ITGA9: variants seen among roughly 807,000 people sequenced by gnomAD.
The protein encoded by ITGA9 is integrin alpha-9.
ITGA9 carries 56 observed loss-of-function variants against 127.8 expected under a neutral mutation model. That is an observed-to-expected ratio of 0.44 (90% CI 0.35 to 0.55). The LOEUF (loss-of-function observed/expected upper bound fraction) is 0.55, where lower values mean the gene tolerates loss of function less well. Ranked by LOEUF, ITGA9 falls within the 20% of genes least tolerant of loss-of-function variation. The probability of loss-of-function intolerance (pLI) is 0.00; values close to 1 mark genes in which losing one functional copy is unlikely to be tolerated. For synonymous variants in ITGA9, 508 were observed against 514.5 expected, an observed-to-expected ratio of 0.99 and a Z score of 0.17; for missense variants, 1,196 against 1,347.1, an observed-to-expected ratio of 0.89 and a Z score of 1.76.
chr3:37,715,298 G>A (rs974085570), intron 18 of ITGA9, among the ~76,000 whole-genome samples: 2 of 152,170 alleles, frequency 1.3e-5, no homozygotes, highest in African/African-American at 2.4e-5. Context: ...TTCCAGCAAC[G>A]CTGTGGGTTA....
At chr3:37,716,993 G>A (rs1201035250) in intron 18 of ITGA9, among the ~76,000 whole-genome samples, 1 of 152,094 alleles carries the variant, frequency 6.6e-6, no homozygotes, top group South Asian at 2.1e-4. Flanking sequence ...TCTTGGCATC[G>A]GGCTTTTCTT....
intron 15 of ITGA9, among the ~76,000 whole-genome samples, chr3:37,604,509 C>G (rs1342124756): frequency 6.6e-6 from 1 of 152,210 alleles, no homozygotes; most frequent in East Asian, 1.9e-4. Context: ...CTTGTGAGAT[C>G]AGACACATGA....
chr3:37,490,091 G>C (rs1698654693), intron 4 of ITGA9, among the ~76,000 whole-genome samples: 2 of 152,054 alleles, frequency 1.3e-5, no homozygotes, highest in Non-Finnish European at 2.9e-5. Flanking sequence ...TGGGAAGGGT[G>C]GTTACAGAAC....
At chr3:37,775,083 A>G (rs533633668) in intron 23 of ITGA9, among the ~76,000 whole-genome samples, 5 of 152,260 alleles carry the variant, frequency 3.3e-5, no homozygotes, top group Non-Finnish European at 5.9e-5. Flanking sequence ...CAGAGTAAAC[A>G]GACAACCTAC....
intron 15 of ITGA9, among the ~76,000 whole-genome samples, chr3:37,592,783 C>T (rs540281194): frequency 5.9e-5 from 9 of 152,200 alleles, no homozygotes; most frequent in South Asian, 4.2e-4. Flanking sequence ...GGAAGATGGA[C>T]GATGCTGAGA....
intron 18 of ITGA9, among the ~76,000 whole-genome samples, chr3:37,688,394 A>G (rs937421662): frequency 2.6e-5 from 4 of 152,246 alleles, no homozygotes; most frequent in African/African-American, 9.6e-5. Context: ...AATATTTACA[A>G]TAGTAAGCAA....
At chr3:37,709,759 A>T (rs1477755972) in intron 18 of ITGA9, among the ~76,000 whole-genome samples, 2 of 152,224 alleles carry the variant, frequency 1.3e-5, no homozygotes, top group Non-Finnish European at 2.9e-5. Flanking sequence ...TGAGAAGCTT[A>T]TGTGGAAGGA....
At chr3:37,562,135 G>A (rs1559537182) in intron 15 of ITGA9, among the ~76,000 whole-genome samples, 2 of 152,158 alleles carry the variant, frequency 1.3e-5, no homozygotes, top group East Asian at 1.9e-4. Flanking sequence ...CTTAGCTCTG[G>A]CCTTCTGGTT....
chr3:37,515,545 C>T (rs973861554), intron 9 of ITGA9, among the ~76,000 whole-genome samples: 1 of 152,166 alleles, frequency 6.6e-6, no homozygotes, highest in African/African-American at 2.4e-5. Context: ...CAAGACCAGC[C>T]TGGCCAACAT....
intron 3 of ITGA9, among the ~76,000 whole-genome samples, chr3:37,479,586 A>T (rs1243203563): frequency 1.3e-5 from 2 of 152,322 alleles, no homozygotes; most frequent in South Asian, 4.1e-4. Flanking sequence ...TCACTCGGTG[A>T]CGTGGGGCAT....
intron 17 of ITGA9, among the ~76,000 whole-genome samples, chr3:37,663,589 G>T (rs1260320430): frequency 1.3e-5 from 2 of 152,200 alleles, no homozygotes; most frequent in African/African-American, 4.8e-5. Flanking sequence ...CAAACCCAGA[G>T]AGCTATTTAG....
chr3:37,564,199 A>G (rs1699523363), intron 15 of ITGA9, among the ~76,000 whole-genome samples: 1 of 152,228 alleles, frequency 6.6e-6, no homozygotes. Flanking sequence ...GATATAGATT[A>G]GTTTTCTATG....
At chr3:37,697,079 G>A (rs1234561895) in intron 18 of ITGA9, among the ~76,000 whole-genome samples, 2 of 152,110 alleles carry the variant, frequency 1.3e-5, no homozygotes, top group Non-Finnish European at 2.9e-5. Context: ...GGCTGCCATG[G>A]CCTAAGACTG....
intron 25 of ITGA9, among the ~76,000 whole-genome samples, chr3:37,783,136 CT>C (rs1696997919): frequency 6.7e-6 from 1 of 149,860 alleles, no homozygotes; most frequent in Non-Finnish European, 1.5e-5. Context: ...GAGACTCTGT[CT>C]CAAAAAAAAA....
intron 19 of ITGA9, among the ~76,000 whole-genome samples, chr3:37,733,868 A>G (rs540213970): frequency 6.6e-6 from 1 of 152,372 alleles, no homozygotes; most frequent in South Asian, 2.1e-4. Context: ...AATGTTGTTC[A>G]GTGCTGTGTT....
intron 18 of ITGA9, among the ~76,000 whole-genome samples, chr3:37,719,434 A>G (rs1397166731): frequency 6.6e-6 from 1 of 152,134 alleles, no homozygotes; most frequent in African/African-American, 2.4e-5. Flanking sequence ...ATCTTCAGCC[A>G]AAGGAAGTTC....
rs894332189 is a variant in ITGA9, at chr3:37,452,981, C to T, written c.185+422C>T. Among the ~76,000 whole-genome samples, 10 of 152,230 alleles carry T rather than the reference C, an allele frequency of 6.6e-5. No homozygotes were observed. The highest frequency in any genetic ancestry group is 1.3e-4 in the Non-Finnish European group (9 of 68,032). ...GCCTGGAGGAGTCGGGGCACTGGAG[C>T]TGCACCCCTCCCCGGTTTTGGGGAA... is the stretch of plus-strand genomic sequence containing the variant. On this transcript the variant is annotated intron_variant, in intron 1 of 27. Transcript: ENST00000264741. The surrounding 1 kb of genome is among the most constrained non-coding windows in gnomAD (Gnocchi z 7.3).
intron 18 of ITGA9, among the ~76,000 whole-genome samples, chr3:37,724,923 A>C (rs938580502): frequency 6.6e-6 from 1 of 152,158 alleles, no homozygotes; most frequent in African/African-American, 2.4e-5. Flanking sequence ...GTCCTTTCAG[A>C]GGGAAACTTT....
At chr3:37,550,335 C>T (rs1319608236) in intron 15 of ITGA9, among the ~76,000 whole-genome samples, 1 of 152,228 alleles carries the variant, frequency 6.6e-6, no homozygotes, top group Admixed American at 6.5e-5. Flanking sequence ...TGAGAGACTT[C>T]ACTGCCTCTT....
Sources: gnomAD v4.1 joint callset for allele counts (sites outside exome capture counted in the v4.1 genomes callset) on GRCh38, gnomAD v4.1.1 for gene constraint, Gnocchi (gnomAD v3.1) non-coding constraint, MANE v1.5 for transcripts, NCBI Gene and HGNC (gene_info 2026-07-23, HGNC 2026-07-21) for gene names.